STRA6: variants seen among roughly 807,000 people sequenced by gnomAD.
The protein encoded by STRA6 is receptor for retinol uptake STRA6.
In STRA6, 48 loss-of-function variants were observed where a neutral mutation model predicts 83.6. The observed-to-expected ratio is 0.57, with a 90% confidence interval of 0.46 to 0.73. The LOEUF is 0.73. Ranked by LOEUF, STRA6 falls within the 30% of genes least tolerant of loss-of-function variation. The pLI is 0.00. For missense variants in STRA6, 760 were observed against 838.8 expected (o/e 0.91, Z 1.16); for synonymous variants, 353 against 362.3 (o/e 0.97, Z 0.29).
At chr15:74,182,716 A>G (rs1423123337) in intron 14 of STRA6, 1 of 500,900 alleles carries the variant, frequency 2.0e-6, no homozygotes, top group Non-Finnish European at 3.6e-6. Flanking sequence ...GTCTGTGGAA[A>G]CTCTTAAAAT....
chr15:74,197,493 G>T, intron 3 of STRA6, 70 bp from the exon 4 acceptor site: 1 of 1,339,328 alleles, frequency 7.5e-7, no homozygotes, highest in Non-Finnish European at 1.0e-6. Context: ...TTGAGGGCTT[G>T]GACTCAGGCC....
upstream of STRA6, among the ~76,000 whole-genome samples, chr15:74,205,855 C>T (rs79049556): frequency 8.1e-3 from 1,238 of 152,316 alleles, 15 homozygotes; most frequent in African/African-American, 0.028. Context: ...TGGTGAGCTT[C>T]GTCCTTTTCC....
chr15:74,209,225 A>G (rs752026078), upstream of STRA6: 275 of 1,085,724 alleles, frequency 2.5e-4, no homozygotes, highest in Non-Finnish European at 3.4e-4. Context: ...GCCTCTCCAC[A>G]CCCCCAAACC....
At chr15:74,196,332 G>T (rs1277464954) in intron 4 of STRA6, 185 bp from the exon 5 acceptor site, 7 of 976,780 alleles carry the variant, frequency 7.2e-6, no homozygotes, top group Non-Finnish European at 1.1e-5. Context: ...CCAAGCTCTG[G>T]GCCCCGTGCC....
chr15:74,208,962 T>A (rs540766485), exon 1 of STRA6: 1 of 1,002,848 alleles, frequency 1.0e-6, no homozygotes, highest in African/African-American at 1.7e-5. Flanking sequence ...GAGGGGTGGC[T>A]GGTTGTGTGG....
intron 14 of STRA6, chr15:74,183,513 G>T: frequency 8.5e-7 from 1 of 1,174,668 alleles, no homozygotes; most frequent in Non-Finnish European, 1.1e-6. Context: ...CAAAGTGCTG[G>T]GATTACAGGT....
chr15:74,210,850 C>G (rs2074356705), upstream of STRA6, among the ~76,000 whole-genome samples: 1 of 152,154 alleles, frequency 6.6e-6, no homozygotes, highest in African/African-American at 2.4e-5. Flanking sequence ...GAGAGGTGTT[C>G]TCTTTACCCC....
Position 74,189,210 on chromosome 15 carries a change from T to C in STRA6, c.995A>G (p.Asp332Gly). Residue 332 changes from aspartate (D) to glycine (G), a missense_variant, in exon 12 of 19, where the codon GAT becomes GGT. Asp to Gly is a moderately conservative substitution (Grantham distance 94, BLOSUM62 -1). Coordinates refer to ENST00000395105, the MANE Select transcript of STRA6 (RefSeq NM_022369.4). The part of the protein sequence containing the change: ...IQKVRAGVTT[D>G]VSYLLAGFGI... Reference sequence around the variant, plus strand: ...AAAGCCGGCCAGCAGGTAGGAGACATCCGTGGTGACCCCTGCCCTCACCTT... The same window carrying C: ...AAAGCCGGCCAGCAGGTAGGAGACACCCGTGGTGACCCCTGCCCTCACCTT... The C allele has an allele frequency of 6.2e-7, 1 of 1,612,968 alleles. No individual in the cohort carries two copies. The highest frequency in any genetic ancestry group is 8.5e-7 in the Non-Finnish European group (1 of 1,179,578).
rs548856501 is a variant in STRA6, at chr15:74,193,682, C to A, written c.720+118G>T. 1.6e-5 allele frequency: 24 copies of A among 1,530,474 alleles called. No individual in the cohort carries two copies. The East Asian group carries it at 5.3e-4, about 34-fold the overall frequency. 94.8% of individuals were successfully genotyped at this position (1,530,474 alleles called of 1,614,324 possible). A position where few individuals can be genotyped will look rare whatever the true frequency, so the allele number is the denominator to read the frequency against. ...AGTCACTCAGCAAACATTTTCTGAG[C>A]ATCTATTCTGTGCTGGGCCCTACAT... is the stretch of plus-strand genomic sequence containing the variant. On this transcript the variant is annotated intron_variant, in intron 8 of 18. Transcript: ENST00000395105.
rs2073040002 is a variant in STRA6 at position 74,182,417 on chromosome 15, G to A, written c.1344C>T (p.Ala448=). ...CAGGCATGAGCACCAGGAAGGCCAG[G>A]GCCGTGGTTCCCAGGAAGAAGATGA... is the stretch of plus-strand genomic sequence containing the variant. ...QQIIFFLGTT[A]LAFLVLMPVL... is the part of the protein sequence containing the mutation. The change falls in exon 15 of 19, where the codon GCC becomes GCT. Residue 448 remains alanine, a synonymous_variant. Coordinates refer to ENST00000395105, the MANE Select transcript of STRA6 (RefSeq NM_022369.4). 2 of 1,612,614 alleles carry A rather than the reference G, an allele frequency of 1.2e-6. No individual in the cohort carries two copies. The highest frequency in any genetic ancestry group is 2.7e-5 in the African/African-American group (2 of 75,038).
Position 74,182,517 on chromosome 15 carries a change from T to A in STRA6, c.1301-57A>T, listed in dbSNP as rs1029288440. ...AAACAGGTTCCATGAAAACTGGCCA[T>A]CCCCGCTGCCCCCAGAACCAAGGGC... On this transcript the variant is annotated intron_variant, in intron 14 of 18. Coordinates refer to ENST00000395105, the MANE Select transcript of STRA6 (RefSeq NM_022369.4). 34 of 1,429,830 alleles carry A rather than the reference T, an allele frequency of 2.4e-5. No homozygotes were observed. In the East Asian group the frequency reaches 4.7e-4, roughly 20 times the overall value. 88.6% of individuals were successfully genotyped at this position (1,429,830 alleles called of 1,614,324 possible).
chr15:74,208,076 T>C lies in STRA6; in HGVS notation c.-16+724A>G, dbSNP rs1280266712. 3 of 1,236,354 alleles carry C rather than the reference T, an allele frequency of 2.4e-6. No individual in the cohort carries two copies. In the African/African-American group the frequency reaches 4.6e-5, roughly 19 times the overall value. The allele number at this position is 1,236,354 out of a possible 1,614,324, so 76.6% of individuals were successfully genotyped here. ...ACATAAAGGATTTAGACCAGGCTGT[T>C]CTGGTATGAGGGTGGACACTGGTGA... On this transcript the variant is annotated intron_variant, in intron 1 of 18. Transcript: ENST00000323940.
intron 12 of STRA6, among the ~76,000 whole-genome samples, chr15:74,185,598 C>T (rs1441092363): frequency 6.6e-6 from 1 of 152,200 alleles, no homozygotes; most frequent in African/African-American, 2.4e-5. Flanking sequence ...CCGCTGTCAC[C>T]CAGCTCCCTC....
upstream of STRA6, among the ~76,000 whole-genome samples, chr15:74,210,844 G>A (rs566518594): frequency 1.8e-4 from 27 of 152,256 alleles, no homozygotes; most frequent in Non-Finnish European, 1.3e-4. Context: ...CAAAAAGAGA[G>A]GTGTTCTCTT....
At chr15:74,189,904 C>T (rs959284108) in intron 11 of STRA6, among the ~76,000 whole-genome samples, 10 of 152,206 alleles carry the variant, frequency 6.6e-5, no homozygotes, top group Middle Eastern at 6.8e-3. Flanking sequence ...CATTGTGATC[C>T]GCCCGCCTCA....
intron 2 of STRA6, among the ~76,000 whole-genome samples, chr15:74,201,528 C>T (rs2074063498): frequency 6.6e-6 from 1 of 152,174 alleles, no homozygotes; most frequent in South Asian, 2.1e-4. Context: ...TGGCTGGGTT[C>T]TCAGGCCACC....
chr15:74,180,370 T>A, intron 18 of STRA6, 127 bp from the exon 19 acceptor site: 1 of 1,204,260 alleles, frequency 8.3e-7, no homozygotes, highest in Non-Finnish European at 1.2e-6. Flanking sequence ...GGATGTCCCC[T>A]GCAGGCAGCA....
At chr15:74,195,050 T>C (rs1032813997) in intron 7 of STRA6, 2 of 1,444,806 alleles carry the variant, frequency 1.4e-6, no homozygotes, top group African/African-American at 1.4e-5. Context: ...CCCCCTACTC[T>C]GCCCACTTCC....
intron 12 of STRA6, 97 bp downstream of exon 12, chr15:74,189,018 G>T: frequency 4.2e-6 from 6 of 1,440,264 alleles, no homozygotes; most frequent in Non-Finnish European, 4.8e-6. Context: ...TGTGTCCAAG[G>T]GCCCCCAGTG....
Sources: allele counts gnomAD v4.1 joint callset (sites outside exome capture counted in the v4.1 genomes callset), GRCh38; gene constraint gnomAD v4.1.1; transcripts MANE v1.5; gene names NCBI Gene and HGNC (gene_info 2026-07-23, HGNC 2026-07-21).